The following ARHGAP6 variants were observed in gnomAD, a reference collection of about 807,000 sequenced individuals.
The protein encoded by ARHGAP6 is rho GTPase-activating protein 6.
ARHGAP6 carries 16 observed loss-of-function variants against 55.7 expected under a neutral mutation model. The ratio of observed to expected loss-of-function variants is 0.29; its 90% CI spans 0.19 to 0.44. The LOEUF (loss-of-function observed/expected upper bound fraction) is 0.44. ARHGAP6 is among the 20% of genes least tolerant of loss of function. ARHGAP6 has a pLI of 1.00. For missense variants in ARHGAP6, 698 were observed against 808.9 expected, an observed-to-expected ratio of 0.86 and a Z score of 1.66; for synonymous variants, 382 against 360.9, an observed-to-expected ratio of 1.06 and a Z score of -0.66.
intron 1 of ARHGAP6, among the ~76,000 whole-genome samples, chrX:11,354,880 C>T (rs1203635764): frequency 1.8e-5 from 2 of 111,275 alleles, no homozygotes; most frequent in Admixed American, 1.9e-4. Context: ...TTTTACTAGA[C>T]AACTAAGCTA....
chrX:11,461,408 AGAGT>A (rs2050243592), intron 1 of ARHGAP6, among the ~76,000 whole-genome samples: 1 of 111,857 alleles, frequency 8.9e-6, no homozygotes, highest in South Asian at 3.8e-4. Flanking sequence ...CAAAAGCAAG[AGAGT>A]GAGAGAGACA....
intron 1 of ARHGAP6, among the ~76,000 whole-genome samples, chrX:11,543,974 G>T (rs2051186823): frequency 8.9e-6 from 1 of 112,702 alleles, no homozygotes; most frequent in African/African-American, 3.2e-5. Context: ...ACCCAATTTT[G>T]TAAGAACAAG....
intron 1 of ARHGAP6, among the ~76,000 whole-genome samples, chrX:11,285,997 G>T (rs1284003082): frequency 9.0e-6 from 1 of 111,383 alleles, no homozygotes; most frequent in Admixed American, 9.5e-5. Flanking sequence ...TTTATAGTCT[G>T]CAGAGTAATG....
At chrX:11,304,777 CTTTTTTTTTTTTTTTT>C (rs953912280) in intron 1 of ARHGAP6, among the ~76,000 whole-genome samples, 2 of 50,308 alleles carry the variant, frequency 4.0e-5, no homozygotes, top group South Asian at 1.1e-3. Context: ...CTTTCTTTTA[CTTTTTTTTTTTTTTTT>C]TTTTTTTTTT....
At chrX:11,411,971 C>T (rs1413234396) in intron 1 of ARHGAP6, among the ~76,000 whole-genome samples, 1 of 111,187 alleles carries the variant, frequency 9.0e-6, no homozygotes, top group Admixed American at 9.6e-5. Flanking sequence ...ACCACAGCCC[C>T]AGGAAACCAC....
At chrX:11,154,685 C>T (rs1442361995) in intron 10 of ARHGAP6, among the ~76,000 whole-genome samples, 1 of 111,672 alleles carries the variant, frequency 9.0e-6, no homozygotes, top group Non-Finnish European at 1.9e-5. Context: ...TGTCTCTTTT[C>T]TGTACAAGGG....
At chrX:11,525,870 GC>G (rs942305789) in intron 1 of ARHGAP6, among the ~76,000 whole-genome samples, 29 of 110,945 alleles carry the variant, frequency 2.6e-4, no homozygotes, top group African/African-American at 9.2e-4. Context: ...AACCACATGG[GC>G]CCCTCCATGA....
At chrX:11,648,935 A>G (rs892386891) in intron 1 of ARHGAP6, among the ~76,000 whole-genome samples, 1 of 112,147 alleles carries the variant, frequency 8.9e-6, no homozygotes, top group African/African-American at 3.2e-5. Flanking sequence ...ACACCTCATC[A>G]TATGTAAGAA....
intron 1 of ARHGAP6, among the ~76,000 whole-genome samples, chrX:11,558,872 G>T (rs1470318659): frequency 1.4e-5 from 1 of 69,819 alleles, no homozygotes; most frequent in African/African-American, 5.8e-5. Context: ...AAAAAAAAAG[G>T]ACAAATTTTA....
At position 11,202,799 on chromosome X, in the gene ARHGAP6, C is replaced by CAA. The variant is rs776633959; in HGVS notation, c.749-5805_749-5804dup. Among the ~76,000 whole-genome samples, 94 of 9,451 alleles carry CAA rather than the reference C, an allele frequency of 9.9e-3. 13 individuals are homozygous for CAA. Among genetic ancestry groups the CAA allele is most frequent in the African/African-American group, 0.015 (34 of 2,302 alleles). 8.2% of individuals were successfully genotyped at this position (9,451 alleles called of 115,157 possible). A position where few individuals can be genotyped will look rare whatever the true frequency, so the allele number is the denominator to read the frequency against. Reference sequence around the variant, plus strand: ...TGGGTGACAGAGCAAGACTCCGTCTCAAAAAAAAAAAAAAAAAAAAAAAAA... The same window carrying CAA: ...TGGGTGACAGAGCAAGACTCCGTCTCAAAAAAAAAAAAAAAAAAAAAAAAAAA... On this transcript the variant is annotated intron_variant, in intron 2 of 12. Coordinates refer to ENST00000337414, the MANE Select transcript of ARHGAP6 (RefSeq NM_013427.3).
At chrX:11,201,063 A>G (rs1018854781) in intron 2 of ARHGAP6, among the ~76,000 whole-genome samples, 3 of 111,926 alleles carry the variant, frequency 2.7e-5, no homozygotes, top group African/African-American at 9.8e-5. Context: ...ATCGAGCTGT[A>G]TTTGTGCACA....
In ARHGAP6 at chrX:11,521,643, TC is replaced by T. The variant is rs1453571547; in HGVS notation, c.588+142597del. ...TTAGGATTGACTTAGCGATGTGGGC[TC>T]TTTTTTGGTTCCATATGAACTTTAA... On this transcript the variant is annotated intron_variant, in intron 1 of 12. Coordinates refer to ENST00000337414, the MANE Select transcript of ARHGAP6 (RefSeq NM_013427.3). 4.5e-5 allele frequency among the ~76,000 whole-genome samples: 5 copies of T among 110,375 alleles called. No individual in the cohort carries two copies. In the Admixed American group the frequency reaches 4.9e-4, roughly 11 times the overall value.
intron 1 of ARHGAP6, among the ~76,000 whole-genome samples, chrX:11,601,525 G>A (rs941236269): frequency 1.8e-5 from 2 of 111,928 alleles, no homozygotes; most frequent in Non-Finnish European, 3.8e-5. Context: ...TGAGCATCAC[G>A]AGTTAGTTTT....
chrX:11,380,965 C>T (rs180708586), intron 1 of ARHGAP6, among the ~76,000 whole-genome samples: 54 of 112,732 alleles, frequency 4.8e-4, no homozygotes, highest in African/African-American at 1.6e-3. Flanking sequence ...GAAATCTGCC[C>T]TAACCATTTG....
chrX:11,213,674 C>T (rs1415009389), intron 2 of ARHGAP6, among the ~76,000 whole-genome samples: 1 of 112,225 alleles, frequency 8.9e-6, no homozygotes, highest in Non-Finnish European at 1.9e-5. Flanking sequence ...TGCATGTTCT[C>T]ACTTATAAGG....
intron 1 of ARHGAP6, among the ~76,000 whole-genome samples, chrX:11,550,139 G>T (rs2051251932): frequency 8.9e-6 from 1 of 111,817 alleles, no homozygotes; most frequent in Non-Finnish European, 1.9e-5. Flanking sequence ...CAGAGAAAAA[G>T]GTTGGAAAGT....
intron 1 of ARHGAP6, chrX:11,318,596 A>G (rs2048388130): frequency 1.8e-5 from 2 of 112,390 alleles, no homozygotes; most frequent in African/African-American, 6.5e-5. Context: ...GCATATGAAT[A>G]GTTGGCTGAA....
intron 1 of ARHGAP6, among the ~76,000 whole-genome samples, chrX:11,519,651 G>A (rs1362499237): frequency 9.1e-6 from 1 of 109,299 alleles, no homozygotes. Context: ...ATAGATCAAT[G>A]GAACAGAACA....
In ARHGAP6 at chrX:11,318,792, T is replaced by C. The variant is rs1340127299; in HGVS notation, c.589-64085A>G. 4 of 113,342 alleles carry C rather than the reference T, an allele frequency of 3.5e-5. No homozygotes were observed. In the East Asian group the frequency reaches 1.1e-3, roughly 31 times the overall value. The allele number at this position is 113,342 out of a possible 1,213,427, so 9.3% of individuals were successfully genotyped here. A position where few individuals can be genotyped will look rare whatever the true frequency, so the allele number is the denominator to read the frequency against. ...TAGGATATTGTTGGCTTCAAAATCC[T>C]GTGAGGATTCAACTGTTGATCCAGT... On this transcript the variant is annotated intron_variant, in intron 1 of 12. Transcript: ENST00000337414.
Sources: allele counts gnomAD v4.1 joint callset (sites outside exome capture counted in the v4.1 genomes callset), GRCh38; gene constraint gnomAD v4.1.1; transcripts MANE v1.5; gene names NCBI Gene and HGNC (gene_info 2026-07-23, HGNC 2026-07-21).